The following TRIM44 variants were observed in gnomAD, a reference collection of about 807,000 sequenced individuals.
TRIM44 encodes tripartite motif containing 44.
Under a neutral mutation model 37.4 loss-of-function variants are expected in TRIM44, and 13 were observed. The observed-to-expected ratio is 0.35, with a 90% CI of 0.23 to 0.55. The LOEUF is 0.55. Among genes scored for constraint, TRIM44 ranks in the 20% least tolerant of loss-of-function variants. The pLI, the probability that TRIM44 is intolerant of heterozygous loss-of-function variation, is 0.89. For synonymous variants in TRIM44, 175 were observed against 157.2 expected, an observed-to-expected ratio of 1.11 and a Z score of -0.85; for missense variants, 426 against 437.2, an observed-to-expected ratio of 0.97 and a Z score of 0.23.
At chr11:35,764,614 T>C (rs1852769550) in intron 4 of TRIM44, among the ~76,000 whole-genome samples, 1 of 152,166 alleles carries the variant, frequency 6.6e-6, no homozygotes. Context: ...CAGAACCCGT[T>C]CGGCATCACA....
chr11:35,680,786 C>A (rs1022588037), intron 1 of TRIM44, among the ~76,000 whole-genome samples: 1 of 152,110 alleles, frequency 6.6e-6, no homozygotes, highest in Non-Finnish European at 1.5e-5. Context: ...CTAACACTTG[C>A]TGTTATGAGA....
chr11:35,755,498 C>G (rs1052870526), intron 4 of TRIM44, among the ~76,000 whole-genome samples: 2 of 151,988 alleles, frequency 1.3e-5, no homozygotes, highest in African/African-American at 2.4e-5. Context: ...TGCAGAAGCT[C>G]TTTAGTTTAA....
chr11:35,774,003 G>T (rs539304811), intron 4 of TRIM44, among the ~76,000 whole-genome samples: 1 of 152,300 alleles, frequency 6.6e-6, no homozygotes, highest in South Asian at 2.1e-4. Flanking sequence ...GGGATGGCTG[G>T]GTCAAATGGT....
chr11:35,736,423 G>A (rs924699737), intron 4 of TRIM44, among the ~76,000 whole-genome samples: 1 of 152,130 alleles, frequency 6.6e-6, no homozygotes, highest in Non-Finnish European at 1.5e-5. Context: ...CTATCAAGTC[G>A]CTTATTAAAA....
intron 4 of TRIM44, among the ~76,000 whole-genome samples, chr11:35,777,154 A>T (rs1051741022): frequency 6.6e-6 from 1 of 152,256 alleles, no homozygotes; most frequent in South Asian, 2.1e-4. Context: ...TTGGGTGCAT[A>T]TATATTTGGG....
At position 35,725,967 on chromosome 11, in the gene TRIM44, A is replaced by T; in HGVS notation, c.791A>T (p.Lys264Met). ...QMKMFIQQEF[K>M]KVQKVIADEE... The stretch of plus-strand genomic sequence containing the variant: ...AAGATGTTTATACAGCAGGAATTTA[A>T]GAAAGTTCAGAAAGTGATTGCTGAT... The change falls in exon 3 of 5, where the codon AAG becomes ATG. Residue 264 changes from lysine (K) to methionine (M), a missense_variant. Physicochemically the swap from Lys to Met is moderately conservative, Grantham distance 95. Around this residue, in one of 2 missense-constraint regions of TRIM44, gnomAD observed 95 missense variants for 134.2 expected, o/e 0.71. Coordinates refer to ENST00000299413, the MANE Select transcript of TRIM44 (RefSeq NM_017583.6). 1.2e-6 allele frequency: 2 copies of T among 1,614,138 alleles called. No homozygotes were observed. The highest frequency in any genetic ancestry group is 1.7e-6 in the Non-Finnish European group (2 of 1,180,002).
intron 2 of TRIM44, among the ~76,000 whole-genome samples, chr11:35,702,184 C>T (rs11033247): frequency 2.0e-4 from 30 of 152,348 alleles, no homozygotes; most frequent in African/African-American, 7.2e-4. Context: ...AGGACTCAAA[C>T]TTGCCCTTGG....
chr11:35,699,705 C>T (rs1032646914), intron 2 of TRIM44, among the ~76,000 whole-genome samples: 2 of 151,296 alleles, frequency 1.3e-5, no homozygotes, highest in African/African-American at 2.4e-5. Flanking sequence ...TAGAAAATGC[C>T]GTCGTCTCAG....
chr11:35,787,435 A>C (rs1185743764), intron 4 of TRIM44, among the ~76,000 whole-genome samples: 2 of 152,210 alleles, frequency 1.3e-5, no homozygotes. Flanking sequence ...AGCAGCATGC[A>C]TACAGCTGGA....
intron 2 of TRIM44, among the ~76,000 whole-genome samples, chr11:35,708,864 A>G (rs74826584): frequency 2.5e-4 from 38 of 152,192 alleles, no homozygotes; most frequent in Admixed American, 2.4e-3. Context: ...ATACAACTGT[A>G]ACTAACCTGC....
intron 4 of TRIM44, among the ~76,000 whole-genome samples, chr11:35,736,227 A>C (rs1326252155): frequency 6.6e-6 from 1 of 152,178 alleles, no homozygotes; most frequent in Non-Finnish European, 1.5e-5. Flanking sequence ...CTGCTATTCA[A>C]ACTTTATTTT....
rs560597918 is a variant in TRIM44, at chr11:35,704,025, G to A, written c.747+18689G>A. Among the ~76,000 whole-genome samples the A allele has an allele frequency of 1.7e-3, 265 of 152,154 alleles. 1 individual carries two copies. Among genetic ancestry groups the A allele is most frequent in the South Asian group, 8.7e-3 (42 of 4,826 alleles). On this transcript the variant is annotated intron_variant, in intron 2 of 4. Coordinates refer to ENST00000299413, the MANE Select transcript of TRIM44 (RefSeq NM_017583.6). ...TGAAAACTTTGAAAAAAATTTAGACGAATGTATAACTAGAATAACCAATAC... is the reference window on the plus strand; with the variant it reads ...TGAAAACTTTGAAAAAAATTTAGACAAATGTATAACTAGAATAACCAATAC...
At chr11:35,778,535 G>C (rs1280759448) in intron 4 of TRIM44, among the ~76,000 whole-genome samples, 2 of 152,120 alleles carry the variant, frequency 1.3e-5, no homozygotes, top group Non-Finnish European at 2.9e-5. Flanking sequence ...AGGAGAAGAG[G>C]TGCTCTAATT....
chr11:35,674,468 G>C (rs1165895135), intron 1 of TRIM44, among the ~76,000 whole-genome samples: 1 of 152,180 alleles, frequency 6.6e-6, no homozygotes, highest in African/African-American at 2.4e-5. Flanking sequence ...TCTATGGGCA[G>C]TGACTTTGAT....
rs751765599 is a variant in TRIM44, at chr11:35,817,777, C to T, written c.*11392C>T. The T allele has an allele frequency of 3.3e-5, 5 of 152,092 alleles. No individual in the cohort carries two copies. The highest frequency in any genetic ancestry group is 1.3e-4 in the Admixed American group (2 of 15,264). 9.4% of individuals were successfully genotyped at this position (152,092 alleles called of 1,614,324 possible). A position where few individuals can be genotyped will look rare whatever the true frequency, so the allele number is the denominator to read the frequency against. On this transcript the variant is annotated 3_prime_UTR_variant, in exon 5 of 5. Transcript: ENST00000299413. The stretch of plus-strand genomic sequence containing the variant: ...AGTTTTCTCATGATTTAACAACATC[C>T]GCCCTTTGTTGTCATGATAGTGAGT...
chr11:35,792,299 A>G (rs1412652198), intron 4 of TRIM44, among the ~76,000 whole-genome samples: 2 of 152,214 alleles, frequency 1.3e-5, no homozygotes, highest in African/African-American at 4.8e-5. Context: ...CTCAATAAAT[A>G]CTTGTTCACT....
chr11:35,711,463 T>G (rs75942644), intron 2 of TRIM44, among the ~76,000 whole-genome samples: 1 of 124,516 alleles, frequency 8.0e-6, no homozygotes, highest in Non-Finnish European at 1.6e-5. Context: ...TTTCTCAGAT[T>G]TTTTGTTTTT....
intron 4 of TRIM44, among the ~76,000 whole-genome samples, chr11:35,786,576 T>C (rs895671125): frequency 3.3e-5 from 5 of 152,180 alleles, no homozygotes; most frequent in African/African-American, 1.2e-4. Flanking sequence ...ACATGAGTTT[T>C]GCAGCCAGTC....
At chr11:35,687,570 G>T (rs1851596532) in intron 2 of TRIM44, among the ~76,000 whole-genome samples, 1 of 152,196 alleles carries the variant, frequency 6.6e-6, no homozygotes, top group African/African-American at 2.4e-5. Context: ...CTTATAATTA[G>T]CAGTGCAGTG....
Sources: gnomAD v4.1 joint callset for allele counts (sites outside exome capture counted in the v4.1 genomes callset) on GRCh38, gnomAD v4.1.1 for gene constraint, gnomAD v4.1.1 regional missense constraint, MANE v1.5 for transcripts, NCBI Gene and HGNC (gene_info 2026-07-23, HGNC 2026-07-21) for gene names.